MAPKAP1: variants seen among roughly 807,000 people sequenced by gnomAD.
The protein encoded by MAPKAP1 is target of rapamycin complex 2 subunit MAPKAP1.
In MAPKAP1, 20 loss-of-function variants were observed where a neutral mutation model predicts 65.7. The ratio of observed to expected loss-of-function variants is 0.30; its 90% CI spans 0.21 to 0.44. The LOEUF (loss-of-function observed/expected upper bound fraction) is 0.44. Among genes scored for constraint, MAPKAP1 ranks in the 20% least tolerant of loss-of-function variants. The pLI, the probability that MAPKAP1 is intolerant of heterozygous loss-of-function variation, is 1.00. For synonymous variants in MAPKAP1, 222 were observed against 244.3 expected, an observed-to-expected ratio of 0.91 and a Z score of 0.85; for missense variants, 423 against 648.0, an observed-to-expected ratio of 0.65 and a Z score of 3.77.
chr9:125,536,940 T>C (rs1314208284), intron 7 of MAPKAP1, among the ~76,000 whole-genome samples: 2 of 152,206 alleles, frequency 1.3e-5, no homozygotes, highest in African/African-American at 2.4e-5. Flanking sequence ...TACAGACAAA[T>C]TGTGCAATTA....
At chr9:125,649,502 T>G (rs1462984413) in intron 4 of MAPKAP1, among the ~76,000 whole-genome samples, 1 of 152,174 alleles carries the variant, frequency 6.6e-6, no homozygotes. Context: ...TGCACATCCC[T>G]GTCATCTGAG....
intron 2 of MAPKAP1, among the ~76,000 whole-genome samples, chr9:125,671,824 A>G (rs1834505775): frequency 6.6e-6 from 1 of 152,152 alleles, no homozygotes; most frequent in Admixed American, 6.5e-5. Context: ...GAATCCTACT[A>G]AAACCAGCCC....
intron 10 of MAPKAP1, 43 bp downstream of exon 10, chr9:125,467,929 G>A (rs1305367458): frequency 6.2e-7 from 1 of 1,603,958 alleles, no homozygotes; most frequent in East Asian, 2.2e-5. Context: ...AGAGAAGAGA[G>A]GGGAAAGAGA....
Position 125,672,360 on chromosome 9 carries a change from A to G in MAPKAP1, c.215T>C (p.Ile72Thr), listed in dbSNP as rs758142047. 2.5e-6 allele frequency: 4 copies of G among 1,614,098 alleles called. No individual in the cohort carries two copies. The Admixed American group carries it at 5.0e-5, about 20-fold the overall frequency. ...AATACCAAAGTCCCAACTTGAGGTA[A>G]TATCGACTGACTGGGCATATACATA... ...QGYVYAQSVD[I>T]TSSWDFGIRR... The change falls in exon 2 of 12, where the codon ATT becomes ACT. Residue 72 changes from isoleucine (I) to threonine (T), a missense_variant. Coordinates refer to ENST00000265960, the MANE Select transcript of MAPKAP1 (RefSeq NM_001006617.3).
intron 5 of MAPKAP1, among the ~76,000 whole-genome samples, chr9:125,576,365 G>A (rs1049002488): frequency 2.6e-5 from 4 of 152,188 alleles, no homozygotes; most frequent in African/African-American, 7.2e-5. Context: ...AGTAAAATGA[G>A]GGATTGGAAG....
chr9:125,445,133 G>A (rs1010150918), intron 10 of MAPKAP1, among the ~76,000 whole-genome samples: 2 of 149,918 alleles, frequency 1.3e-5, no homozygotes, highest in African/African-American at 4.9e-5. Flanking sequence ...CTCAACCCTG[G>A]GAGGATGGGG....
At chr9:125,488,775 G>A (rs894912341) in intron 8 of MAPKAP1, among the ~76,000 whole-genome samples, 20 of 152,236 alleles carry the variant, frequency 1.3e-4, no homozygotes, top group African/African-American at 4.8e-4. Flanking sequence ...GGACACTGGT[G>A]AGGATAAAGC....
chr9:125,686,434 C>A (rs1342721713), intron 1 of MAPKAP1, among the ~76,000 whole-genome samples: 1 of 152,298 alleles, frequency 6.6e-6, no homozygotes, highest in East Asian at 1.9e-4. Context: ...CCTAACTACA[C>A]GGCCTTGGAC....
chr9:125,700,485 A>G (rs925101997), intron 1 of MAPKAP1, among the ~76,000 whole-genome samples: 3 of 152,198 alleles, frequency 2.0e-5, no homozygotes, highest in Non-Finnish European at 4.4e-5. Context: ...TTCACAAGCA[A>G]TTACTATAAC....
chr9:125,505,679 G>C (rs529211664), intron 8 of MAPKAP1, among the ~76,000 whole-genome samples: 160 of 152,340 alleles, frequency 1.1e-3, no homozygotes, highest in Non-Finnish European at 1.8e-3. Context: ...AACCAGAATG[G>C]GGGAAGGAGC....
At chr9:125,641,078 A>C (rs556822418) in intron 4 of MAPKAP1, among the ~76,000 whole-genome samples, 165 of 152,324 alleles carry the variant, frequency 1.1e-3, no homozygotes, top group African/African-American at 3.8e-3. Context: ...AATAATCCAC[A>C]CATCATATTT....
chr9:125,541,187 G>T (rs1404915658), intron 7 of MAPKAP1, among the ~76,000 whole-genome samples: 1 of 152,196 alleles, frequency 6.6e-6, no homozygotes, highest in Non-Finnish European at 1.5e-5. Flanking sequence ...TGATGGAAAA[G>T]GCAGTAATGT....
chr9:125,601,138 T>G (rs917243549), intron 4 of MAPKAP1, among the ~76,000 whole-genome samples: 1 of 148,896 alleles, frequency 6.7e-6, no homozygotes, highest in Admixed American at 6.9e-5. Context: ...TATATTTGAC[T>G]CCATTACTAG....
chr9:125,468,777 A>T (rs1299247420), intron 9 of MAPKAP1, among the ~76,000 whole-genome samples: 1 of 152,206 alleles, frequency 6.6e-6, no homozygotes, highest in Non-Finnish European at 1.5e-5. Flanking sequence ...TGAGGGCGAG[A>T]CTCGGCACTG....
chr9:125,582,095 G>C (rs568188972), intron 5 of MAPKAP1, among the ~76,000 whole-genome samples: 151 of 152,080 alleles, frequency 9.9e-4, no homozygotes, highest in Non-Finnish European at 1.8e-3. Context: ...AGTATCAACT[G>C]TCCTTCAGCT....
At chr9:125,584,377 A>T (rs1589312375) in intron 5 of MAPKAP1, among the ~76,000 whole-genome samples, 1 of 152,386 alleles carries the variant, frequency 6.6e-6, no homozygotes, top group Admixed American at 6.5e-5. Flanking sequence ...AAAGAAAAAT[A>T]AAAACTAACT....
intron 5 of MAPKAP1, 108 bp downstream of exon 5, chr9:125,585,447 G>A (rs1463225369): frequency 5.8e-6 from 7 of 1,197,076 alleles, no homozygotes; most frequent in Non-Finnish European, 8.4e-6. Context: ...GATCAGTGCA[G>A]AAGTGTGGTT....
chr9:125,567,682 G>C (rs1426746186), intron 5 of MAPKAP1: 1 of 152,136 alleles, frequency 6.6e-6, no homozygotes, highest in African/African-American at 2.4e-5. Flanking sequence ...TCTTGCGTGA[G>C]ATCCAAGAAC....
At chr9:125,540,677 T>C (rs947639758) in intron 7 of MAPKAP1, among the ~76,000 whole-genome samples, 5 of 152,342 alleles carry the variant, frequency 3.3e-5, no homozygotes, top group Admixed American at 1.3e-4. Context: ...AAGCTGGTCA[T>C]TGTGACAGAG....
Sources: allele counts gnomAD v4.1 joint callset (sites outside exome capture counted in the v4.1 genomes callset), GRCh38; gene constraint gnomAD v4.1.1; transcripts MANE v1.5; gene names NCBI Gene and HGNC (gene_info 2026-07-23, HGNC 2026-07-21).